The following HSD17B12 variants were observed in gnomAD, a reference collection of about 807,000 sequenced individuals.
HSD17B12 encodes the protein very-long-chain 3-oxoacyl-CoA reductase.
In HSD17B12, 32 loss-of-function variants were observed where a neutral mutation model predicts 39.3. The observed-to-expected ratio is 0.81, with a 90% confidence interval of 0.61 to 1.09. The LOEUF is 1.09. Ranked by LOEUF, HSD17B12 falls within the 50% of genes least tolerant of loss-of-function variation. The pLI, the probability that HSD17B12 is intolerant of heterozygous loss-of-function variation, is 0.00. For missense variants in HSD17B12, 342 were observed against 382.9 expected, an observed-to-expected ratio of 0.89 and a Z score of 0.89; for synonymous variants, 150 against 146.7, an observed-to-expected ratio of 1.02 and a Z score of -0.16.
chr11:43,583,680 T>TGG, the HSD17B12 span, among the ~76,000 whole-genome samples: 895 of 149,128 alleles, frequency 6.0e-3, 2 homozygotes, highest in Middle Eastern at 0.014. Flanking sequence ...GAGGGCAAAG[T>TGG]GGGGGGGGGT....
chr11:43,685,336 A>G (rs1949788878), intron 1 of HSD17B12, among the ~76,000 whole-genome samples: 1 of 152,264 alleles, frequency 6.6e-6, no homozygotes, highest in East Asian at 1.9e-4. Context: ...CTGTTTTCAC[A>G]TTGGTTAACT....
At chr11:43,748,467 G>T (rs1392210633) in intron 1 of HSD17B12, among the ~76,000 whole-genome samples, 1 of 152,066 alleles carries the variant, frequency 6.6e-6, no homozygotes, top group African/African-American at 2.4e-5. Flanking sequence ...CTAGAGGGTG[G>T]AGGGAAAGGG....
the HSD17B12 span, among the ~76,000 whole-genome samples, chr11:43,595,438 C>T: frequency 2.0e-5 from 3 of 152,320 alleles, no homozygotes; most frequent in Middle Eastern, 6.8e-3. Context: ...GTTACATGCA[C>T]ACCCTCTCCC....
At chr11:43,582,692 G>T in the HSD17B12 span, among the ~76,000 whole-genome samples, 1 of 152,142 alleles carries the variant, frequency 6.6e-6, no homozygotes, top group Non-Finnish European at 1.5e-5. Flanking sequence ...TAACCTGTCC[G>T]CTGGTTGAAC....
the HSD17B12 span, among the ~76,000 whole-genome samples, chr11:43,631,526 A>T: frequency 6.6e-6 from 1 of 151,790 alleles, no homozygotes; most frequent in Non-Finnish European, 1.5e-5. Flanking sequence ...AACAAATAAA[A>T]GGTGTTCTCT....
chr11:43,757,675 G>T (rs1172857257), intron 3 of HSD17B12, among the ~76,000 whole-genome samples: 2 of 127,868 alleles, frequency 1.6e-5, no homozygotes, highest in South Asian at 2.5e-4. Flanking sequence ...AAACAAATAG[G>T]TAAAAAACAA....
At chr11:43,642,260 T>C in the HSD17B12 span, among the ~76,000 whole-genome samples, 1 of 151,766 alleles carries the variant, frequency 6.6e-6, no homozygotes, top group Admixed American at 6.6e-5. Context: ...TAAAGACATT[T>C]ACATCAATAT....
chr11:43,682,676 A>G (rs978163729), intron 1 of HSD17B12, among the ~76,000 whole-genome samples: 6 of 152,180 alleles, frequency 3.9e-5, no homozygotes, highest in Non-Finnish European at 8.8e-5. Context: ...ACTTTTGACT[A>G]CAAAAGACTA....
intron 1 of HSD17B12, among the ~76,000 whole-genome samples, chr11:43,703,258 G>A (rs1293694478): frequency 6.6e-6 from 1 of 151,970 alleles, no homozygotes; most frequent in Non-Finnish European, 1.5e-5. Flanking sequence ...GCAGTGGCGG[G>A]ATCTTGGCTC....
At position 43,762,344 on chromosome 11, in the gene HSD17B12, TTGTC is replaced by T. The variant is rs143885135; in HGVS notation, c.283+8226_283+8229del. 3.3e-3 allele frequency among the ~76,000 whole-genome samples: 509 copies of T among 152,312 alleles called. 1 individual carries two copies. The highest frequency in any genetic ancestry group is 6.5e-3 in the Non-Finnish European group (441 of 68,026). On this transcript the variant is annotated intron_variant, in intron 3 of 10. Coordinates refer to ENST00000278353, the MANE Select transcript of HSD17B12 (RefSeq NM_016142.3). ...CAATTTCCTGGTACAATTTGTCAGA[TTGTC>T]TGCTTTTGTGGCAATGTTGGGTTAC...
chr11:43,663,718 C>T, the HSD17B12 span, among the ~76,000 whole-genome samples: 1 of 152,084 alleles, frequency 6.6e-6, no homozygotes, highest in Non-Finnish European at 1.5e-5. Flanking sequence ...AAGGCCAACA[C>T]CTACACCAAG....
chr11:43,588,718 C>G, the HSD17B12 span, among the ~76,000 whole-genome samples: 1 of 151,200 alleles, frequency 6.6e-6, no homozygotes, highest in Admixed American at 6.6e-5. Flanking sequence ...AGGACCAGAG[C>G]TATTCCTAGA....
intron 1 of HSD17B12, among the ~76,000 whole-genome samples, chr11:43,711,292 A>T (rs1217936037): frequency 1.3e-5 from 2 of 152,122 alleles, no homozygotes; most frequent in Non-Finnish European, 2.9e-5. Flanking sequence ...GTATCATTTT[A>T]TAAATTTAGT....
At chr11:43,716,882 T>C (rs186912846) in intron 1 of HSD17B12, among the ~76,000 whole-genome samples, 1 of 151,800 alleles carries the variant, frequency 6.6e-6, no homozygotes, top group East Asian at 1.9e-4. Flanking sequence ...CAGAAGAGGA[T>C]ATGTCAGGAG....
At chr11:43,783,582 A>T (rs918207700) in intron 3 of HSD17B12, among the ~76,000 whole-genome samples, 2 of 151,908 alleles carry the variant, frequency 1.3e-5, no homozygotes, top group African/African-American at 4.8e-5. Flanking sequence ...CACCCTGAAC[A>T]GGCCCTGGTG....
At chr11:43,785,365 A>G (rs1365793762) in intron 3 of HSD17B12, among the ~76,000 whole-genome samples, 1 of 152,228 alleles carries the variant, frequency 6.6e-6, no homozygotes, top group East Asian at 1.9e-4. Context: ...GCGACAGAAC[A>G]ATAGGAAAAC....
At chr11:43,814,897 CAT>C (rs1208082716) in intron 4 of HSD17B12, among the ~76,000 whole-genome samples, 1 of 152,126 alleles carries the variant, frequency 6.6e-6, no homozygotes, top group Admixed American at 6.6e-5. Flanking sequence ...GTTCCTAGCA[CAT>C]GTCTTACTCA....
At chr11:43,759,117 G>A (rs560307501) in intron 3 of HSD17B12, among the ~76,000 whole-genome samples, 5 of 152,140 alleles carry the variant, frequency 3.3e-5, no homozygotes, top group Admixed American at 3.3e-4. Flanking sequence ...TTACTTCCCT[G>A]TGTGACTGAA....
chr11:43,653,415 T>A, the HSD17B12 span, among the ~76,000 whole-genome samples: 1 of 152,180 alleles, frequency 6.6e-6, no homozygotes, highest in Non-Finnish European at 1.5e-5. Context: ...CTTATTATTA[T>A]TATACTTTAA....
Sources: gnomAD v4.1 joint callset for allele counts (sites outside exome capture counted in the v4.1 genomes callset) on GRCh38, gnomAD v4.1.1 for gene constraint, MANE v1.5 for transcripts, NCBI Gene and HGNC (gene_info 2026-07-23, HGNC 2026-07-21) for gene names.